Variants in SNAPC3 observed in about 807,000 individuals in gnomAD.
SNAPC3 encodes snRNA-activating protein complex subunit 3.
In SNAPC3, 56 loss-of-function variants were observed where a neutral mutation model predicts 47.7. The observed-to-expected ratio is 1.18, with a 90% CI of 0.95 to 1.47. The LOEUF (loss-of-function observed/expected upper bound fraction) is 1.47, where lower values mean the gene tolerates loss of function less well. Ranked by LOEUF, SNAPC3 falls within the 40% of genes most tolerant of loss-of-function variation. The pLI, the probability that SNAPC3 is intolerant of heterozygous loss-of-function variation, is 0.00. For missense variants in SNAPC3, 665 were observed against 511.3 expected, an observed-to-expected ratio of 1.30 and a Z score of -2.90; for synonymous variants, 235 against 189.9, an observed-to-expected ratio of 1.24 and a Z score of -1.95.
chr9:15,465,706 A>C (rs2035577434), downstream of SNAPC3: 3 of 715,782 alleles, frequency 4.2e-6, no homozygotes, highest in South Asian at 2.2e-5. Flanking sequence ...ACAAAAGAAA[A>C]ACTTGACTTG....
chr9:15,450,742 G>C (rs116227564), intron 5 of SNAPC3, among the ~76,000 whole-genome samples: 1 of 152,148 alleles, frequency 6.6e-6, no homozygotes, highest in South Asian at 2.1e-4. Flanking sequence ...TGTGTTTGGT[G>C]TTTTTGTGAT....
intron 3 of SNAPC3, among the ~76,000 whole-genome samples, chr9:15,439,512 A>T (rs2131834170): frequency 6.6e-6 from 1 of 152,104 alleles, no homozygotes; most frequent in South Asian, 2.1e-4. Flanking sequence ...ATGCCAAAAC[A>T]TCTTATTTTT....
Position 15,460,416 on chromosome 9 carries a change from A to G in SNAPC3, c.*550A>G, listed in dbSNP as rs2035117536. On this transcript the variant is annotated 3_prime_UTR_variant, in exon 9 of 9. Coordinates refer to ENST00000380821, the MANE Select transcript of SNAPC3 (RefSeq NM_001039697.2). ...GGGATTATTTATTTTTTGAGACAAA[A>G]TCTCGCTCTTGTTGCCCAGGCTGGA... is the stretch of plus-strand genomic sequence containing the variant. 6.6e-6 allele frequency: 1 copy of G among 152,166 alleles called. No homozygotes were observed. Among genetic ancestry groups the G allele is most frequent in the African/African-American group, 2.4e-5 (1 of 41,426 alleles). 9.4% of individuals were successfully genotyped at this position (152,166 alleles called of 1,614,324 possible). A position where few individuals can be genotyped will look rare whatever the true frequency, so the allele number is the denominator to read the frequency against.
intron 2 of SNAPC3, chr9:15,431,915 T>G (rs2032208081): frequency 1.4e-5 from 2 of 145,408 alleles, no homozygotes; most frequent in African/African-American, 5.2e-5. Context: ...TTTGAGCACT[T>G]CATGAATTTG....
At chr9:15,434,702 A>G (rs1006290016) in intron 3 of SNAPC3, among the ~76,000 whole-genome samples, 2 of 152,142 alleles carry the variant, frequency 1.3e-5, no homozygotes, top group African/African-American at 4.8e-5. Flanking sequence ...CACAGCACCC[A>G]GCCTATGGCA....
chr9:15,430,660 G>A (rs1563840019), intron 2 of SNAPC3, among the ~76,000 whole-genome samples: 1 of 152,164 alleles, frequency 6.6e-6, no homozygotes, highest in East Asian at 1.9e-4. Flanking sequence ...GCTTGTTTCT[G>A]TCTGCTTGTT....
At position 15,459,704 on chromosome 9, in the gene SNAPC3, T is replaced by C; in HGVS notation, c.1089-15T>C. 6.2e-7 allele frequency: 1 copy of C among 1,609,362 alleles called. No homozygotes were observed. Among genetic ancestry groups the C allele is most frequent in the Non-Finnish European group, 8.5e-7 (1 of 1,177,552 alleles). ...TTTGATTGTAATGATGTACTTCTTT[T>C]TTTAAAAACTACAGATGGGTGACGA... is the stretch of plus-strand genomic sequence containing the variant. On this transcript the variant is annotated splice_polypyrimidine_tract_variant and intron_variant, in intron 8 of 8. Transcript: ENST00000380821.
At chr9:15,457,349 C>T (rs1468132915) in intron 7 of SNAPC3, among the ~76,000 whole-genome samples, 1 of 152,026 alleles carries the variant, frequency 6.6e-6, no homozygotes, top group Non-Finnish European at 1.5e-5. Context: ...AATCCCAGCA[C>T]CTTGGGAGGC....
At chr9:15,465,451 C>G (rs1338103233), downstream of SNAPC3, 3 of 1,338,886 alleles carry the variant, frequency 2.2e-6, no homozygotes, top group East Asian at 2.4e-5. Flanking sequence ...TTAAAACTTT[C>G]AGCAGTCTAT....
At chr9:15,428,618 A>G (rs908329829) in intron 2 of SNAPC3, among the ~76,000 whole-genome samples, 13 of 152,156 alleles carry the variant, frequency 8.5e-5, no homozygotes, top group South Asian at 8.3e-4. Context: ...TAGAATTTTT[A>G]AAACTATTAA....
intron 7 of SNAPC3, 64 bp from the exon 8 acceptor site, chr9:15,457,896 G>A (rs1002951811): frequency 4.3e-5 from 38 of 881,508 alleles, no homozygotes; most frequent in Non-Finnish European, 5.6e-5. Context: ...ATATTTAATA[G>A]CTCATAAAAA....
intron 7 of SNAPC3, 119 bp from the exon 8 acceptor site, chr9:15,457,841 A>G (rs1049367479): frequency 1.6e-6 from 1 of 643,022 alleles, no homozygotes; most frequent in Non-Finnish European, 2.6e-6. Context: ...ACATCTTGTA[A>G]GCAAAAATTG....
At chr9:15,446,983 G>T (rs769483323) in intron 4 of SNAPC3, 112 bp from the exon 5 acceptor site, 7 of 903,430 alleles carry the variant, frequency 7.7e-6, no homozygotes, top group Non-Finnish European at 1.2e-5. Context: ...AAGTTATGGG[G>T]ACAATTTAAA....
chr9:15,428,479 A>T (rs1038660532), intron 2 of SNAPC3, among the ~76,000 whole-genome samples: 2 of 147,126 alleles, frequency 1.4e-5, no homozygotes, highest in African/African-American at 5.0e-5. Flanking sequence ...ACTGCACTCC[A>T]GCCTGGGCGA....
At chr9:15,456,706 G>T (rs141033010) in intron 7 of SNAPC3, among the ~76,000 whole-genome samples, 4 of 152,062 alleles carry the variant, frequency 2.6e-5, no homozygotes, top group Non-Finnish European at 4.4e-5. Context: ...GAGCTCAAGC[G>T]ATCCTCCTGC....
intron 3 of SNAPC3, among the ~76,000 whole-genome samples, chr9:15,435,270 G>A (rs1368654998): frequency 6.6e-6 from 1 of 152,104 alleles, no homozygotes; most frequent in African/African-American, 2.4e-5. Context: ...TGTTTATCCT[G>A]TTGAGTTATA....
At chr9:15,435,728 TAA>T (rs566806035) in intron 3 of SNAPC3, among the ~76,000 whole-genome samples, 18 of 123,526 alleles carry the variant, frequency 1.5e-4, no homozygotes, top group Admixed American at 4.2e-4. Flanking sequence ...AAACTCTGTC[TAA>T]AAAAAAAAAA....
intron 7 of SNAPC3, among the ~76,000 whole-genome samples, chr9:15,453,870 A>T (rs2034575541): frequency 6.6e-6 from 1 of 152,210 alleles, no homozygotes. Context: ...TGGAACAATA[A>T]TGTACCTGTG....
intron 3 of SNAPC3, among the ~76,000 whole-genome samples, chr9:15,440,558 G>T (rs2033234841): frequency 6.6e-6 from 1 of 152,182 alleles, no homozygotes; most frequent in Non-Finnish European, 1.5e-5. Flanking sequence ...GAACACAGTG[G>T]TGGGTTCCCA....
Sources: allele counts gnomAD v4.1 joint callset (sites outside exome capture counted in the v4.1 genomes callset), GRCh38; gene constraint gnomAD v4.1.1; transcripts MANE v1.5; gene names NCBI Gene and HGNC (gene_info 2026-07-23, HGNC 2026-07-21).